CREB5: variants seen among roughly 807,000 people sequenced by gnomAD.
CREB5 encodes the protein cAMP responsive element binding protein 5, also known as cyclic AMP-responsive element-binding protein 5.
Under a neutral mutation model 57.1 loss-of-function variants are expected in CREB5, and 19 were observed. The observed-to-expected ratio is 0.33, with a 90% CI of 0.23 to 0.49. The LOEUF is 0.49. CREB5 is among the 20% of genes least tolerant of loss of function. The pLI, the probability that CREB5 is intolerant of heterozygous loss-of-function variation, is 0.99. For missense variants in CREB5, 579 were observed against 671.6 expected, an observed-to-expected ratio of 0.86 and a Z score of 1.52; for synonymous variants, 238 against 238.3, an observed-to-expected ratio of 1.00 and a Z score of 0.01.
chr7:28,512,293 G>A (rs1792742777), intron 4 of CREB5, among the ~76,000 whole-genome samples: 1 of 152,176 alleles, frequency 6.6e-6, no homozygotes, highest in African/African-American at 2.4e-5. Flanking sequence ...AGTCACCTGA[G>A]CCAGAAGTGA....
At chr7:28,665,188 T>C (rs1799775248) in intron 5 of CREB5, among the ~76,000 whole-genome samples, 1 of 152,070 alleles carries the variant, frequency 6.6e-6, no homozygotes, top group South Asian at 2.1e-4. Flanking sequence ...TGAATTTCCA[T>C]GAAGGACCAT....
intron 5 of CREB5, among the ~76,000 whole-genome samples, chr7:28,666,552 T>A (rs907148072): frequency 1.3e-5 from 2 of 151,980 alleles, no homozygotes; most frequent in African/African-American, 2.4e-5. Context: ...ATATATATAT[T>A]TTTTATTTAA....
chr7:28,361,204 A>G (rs1786471358), intron 1 of CREB5, among the ~76,000 whole-genome samples: 1 of 152,212 alleles, frequency 6.6e-6, no homozygotes, highest in African/African-American at 2.4e-5. Flanking sequence ...CAACTAACTC[A>G]TAGCTCAGTG....
chr7:28,710,657 A>G (rs1417204634), intron 5 of CREB5, among the ~76,000 whole-genome samples: 1 of 152,220 alleles, frequency 6.6e-6, no homozygotes, highest in Non-Finnish European at 1.5e-5. Flanking sequence ...GAATTAAATC[A>G]GGAAGCTGAA....
chr7:28,389,217 T>C (rs1485239122), intron 1 of CREB5, among the ~76,000 whole-genome samples: 1 of 152,194 alleles, frequency 6.6e-6, no homozygotes, highest in Non-Finnish European at 1.5e-5. Flanking sequence ...GTGAACACTA[T>C]TTGCATCTTA....
chr7:28,422,911 G>T (rs1056890990), intron 1 of CREB5, among the ~76,000 whole-genome samples: 1 of 152,098 alleles, frequency 6.6e-6, no homozygotes, highest in African/African-American at 2.4e-5. Flanking sequence ...TAATTTAATA[G>T]AAATTATCTT....
intron 4 of CREB5, among the ~76,000 whole-genome samples, chr7:28,560,827 C>CGTGCGTGT (rs1562797026): frequency 9.0e-5 from 8 of 89,020 alleles, no homozygotes; most frequent in African/African-American, 2.2e-4. Context: ...TGTGTGCGCG[C>CGTGCGTGT]GCGCGCGTGT....
At chr7:28,731,838 G>C (rs10265153) in intron 7 of CREB5, among the ~76,000 whole-genome samples, 44,578 of 152,092 alleles carry the variant, frequency 0.29, 7,406 homozygotes, top group Middle Eastern at 0.4. Flanking sequence ...TTCCCCGAAG[G>C]AATGGGCTCA....
chr7:28,370,925 G>A (rs1350219476), intron 1 of CREB5, among the ~76,000 whole-genome samples: 1 of 152,330 alleles, frequency 6.6e-6, no homozygotes, highest in East Asian at 1.9e-4. Context: ...CAGTAAAAAT[G>A]CAAACCAAAA....
intron 7 of CREB5, among the ~76,000 whole-genome samples, chr7:28,740,210 G>A (rs1366815294): frequency 1.3e-5 from 2 of 152,126 alleles, no homozygotes; most frequent in Non-Finnish European, 2.9e-5. Context: ...AGCTAACTTA[G>A]GCAGATCGAA....
chr7:28,618,241 A>G (rs569878652), intron 5 of CREB5, among the ~76,000 whole-genome samples: 7 of 152,094 alleles, frequency 4.6e-5, no homozygotes, highest in African/African-American at 1.7e-4. Flanking sequence ...CTTAAAGACC[A>G]TTAGAACTTG....
rs1469282318 is a variant in CREB5 at position 28,719,484 on chromosome 7, G to A, written c.591+605G>A. Among the ~76,000 whole-genome samples, 5 of 152,228 alleles carry A rather than the reference G, an allele frequency of 3.3e-5. No homozygotes were observed. In the East Asian group the frequency reaches 7.7e-4, roughly 23 times the overall value. On this transcript the variant is annotated intron_variant, in intron 6 of 10. Coordinates refer to ENST00000357727, the MANE Select transcript of CREB5 (RefSeq NM_182898.4). ...AAAGGCAAGTAACTTGCTCAGCTGA[G>A]AAGCAGAGTGGCTGAGTTTTGAACC...
chr7:28,367,465 A>G (rs1786610019), intron 1 of CREB5, among the ~76,000 whole-genome samples: 1 of 152,052 alleles, frequency 6.6e-6, no homozygotes, highest in African/African-American at 2.4e-5. Context: ...GTTATTCTTG[A>G]TTTCTCTTTT....
chr7:28,368,558 C>T (rs1031571426), intron 1 of CREB5, among the ~76,000 whole-genome samples: 9 of 152,152 alleles, frequency 5.9e-5, no homozygotes, highest in Non-Finnish European at 1.2e-4. Flanking sequence ...CTAAACATGG[C>T]AAGCTTGCTT....
intron 4 of CREB5, among the ~76,000 whole-genome samples, chr7:28,519,929 C>T (rs1793136055): frequency 6.6e-6 from 1 of 152,148 alleles, no homozygotes; most frequent in East Asian, 1.9e-4. Flanking sequence ...GCATTGAGAG[C>T]TCACATATGT....
chr7:28,332,974 T>G (rs1011128145), intron 1 of CREB5, among the ~76,000 whole-genome samples: 2 of 152,250 alleles, frequency 1.3e-5, no homozygotes, highest in African/African-American at 4.8e-5. Flanking sequence ...ACTTGAACAC[T>G]ACACTAGTTT....
intron 1 of CREB5, among the ~76,000 whole-genome samples, chr7:28,427,208 A>T (rs1470803687): frequency 6.6e-6 from 1 of 152,196 alleles, no homozygotes; most frequent in Non-Finnish European, 1.5e-5. Flanking sequence ...GCAGAGAGGA[A>T]CATAATTTGT....
At chr7:28,560,957 T>TGCGTGCGTGTGC (rs1375860415) in intron 4 of CREB5, among the ~76,000 whole-genome samples, 1 of 43,438 alleles carries the variant, frequency 2.3e-5, no homozygotes, top group Non-Finnish European at 4.4e-5. Flanking sequence ...TGTGCGTGTG[T>TGCGTGCGTGTGC]GTGCGTGTGT....
chr7:28,522,152 G>A lies in CREB5; in HGVS notation c.291+14415G>A, dbSNP rs57203476. Among the ~76,000 whole-genome samples, 1,206 of 152,246 alleles carry A rather than the reference G, an allele frequency of 7.9e-3. 13 individuals are homozygous for A. The highest frequency in any genetic ancestry group is 0.027 in the African/African-American group (1,127 of 41,524). On this transcript the variant is annotated intron_variant, in intron 4 of 10. Coordinates refer to ENST00000357727, the MANE Select transcript of CREB5 (RefSeq NM_182898.4). ...TAAAGCTTAAGAGTTTAAATAATTT[G>A]CTGAAAGTCATGAAGCTAGTAAGTT...
Sources: gnomAD v4.1 joint callset for allele counts (sites outside exome capture counted in the v4.1 genomes callset) on GRCh38, gnomAD v4.1.1 for gene constraint, MANE v1.5 for transcripts, NCBI Gene and HGNC (gene_info 2026-07-23, HGNC 2026-07-21) for gene names.